The following PTPRQ variants were observed in gnomAD, a reference collection of about 807,000 sequenced individuals.
PTPRQ encodes the protein phosphatidylinositol phosphatase PTPRQ.
Under a neutral mutation model 246.0 loss-of-function variants are expected in PTPRQ, and 199 were observed. That is an observed-to-expected ratio of 0.81 (90% confidence interval 0.72 to 0.91). The LOEUF (loss-of-function observed/expected upper bound fraction) is 0.91, where lower values mean the gene tolerates loss of function less well. Among genes scored for constraint, PTPRQ ranks in the 40% least tolerant of loss-of-function variants. The pLI, the probability that PTPRQ is intolerant of heterozygous loss-of-function variation, is 0.00. For synonymous variants in PTPRQ, 869 were observed against 853.2 expected (o/e 1.02, Z -0.32); for missense variants, 2,624 against 2,528.4 (o/e 1.04, Z -0.81).
At chr12:80,566,636 C>T (rs988952649) in intron 25 of PTPRQ, among the ~76,000 whole-genome samples, 11 of 152,040 alleles carry the variant, frequency 7.2e-5, no homozygotes, top group Non-Finnish European at 1.3e-4. Context: ...ACCTTTTGGG[C>T]TCAAGCGATC....
At chr12:80,642,358 C>G (rs1439097528) in intron 35 of PTPRQ, among the ~76,000 whole-genome samples, 5 of 152,204 alleles carry the variant, frequency 3.3e-5, no homozygotes, top group Non-Finnish European at 5.9e-5. Context: ...TGATCAGTCT[C>G]TTTCTCCTCT....
chr12:80,676,106 T>C (rs1939115751), intron 43 of PTPRQ, among the ~76,000 whole-genome samples: 1 of 152,192 alleles, frequency 6.6e-6, no homozygotes, highest in South Asian at 2.1e-4. Flanking sequence ...GTTTTTTCCC[T>C]GTGATGACAG....
At chr12:80,485,057 CT>C (rs1247694536) in intron 9 of PTPRQ, among the ~76,000 whole-genome samples, 2 of 151,058 alleles carry the variant, frequency 1.3e-5, no homozygotes, top group Non-Finnish European at 2.9e-5. Context: ...TCAAAGCTGC[CT>C]CTTTTTTTTT....
chr12:80,549,152 A>G (rs1896393618), intron 24 of PTPRQ, among the ~76,000 whole-genome samples: 1 of 152,120 alleles, frequency 6.6e-6, no homozygotes, highest in South Asian at 2.1e-4. Context: ...GCAGTTATCA[A>G]ACACTGCCTG....
chr12:80,534,240 G>A, intron 18 of PTPRQ, 65 bp downstream of exon 18: 3 of 1,365,212 alleles, frequency 2.2e-6, no homozygotes, highest in East Asian at 2.8e-5. Context: ...ATCCTGCCCA[G>A]AAAAATATTC....
intron 17 of PTPRQ, among the ~76,000 whole-genome samples, chr12:80,526,774 C>A (rs1895699353): frequency 6.6e-6 from 1 of 151,960 alleles, no homozygotes; most frequent in African/African-American, 2.4e-5. Context: ...AGAGTCCTAA[C>A]CAGGACTTTC....
chr12:80,495,773 C>T (rs1894598843), intron 12 of PTPRQ, among the ~76,000 whole-genome samples: 1 of 151,924 alleles, frequency 6.6e-6, no homozygotes, highest in South Asian at 2.1e-4. Context: ...CAAAAAGTTA[C>T]TTTTGCAACT....
intron 14 of PTPRQ, among the ~76,000 whole-genome samples, chr12:80,501,552 T>A (rs1894799545): frequency 1.3e-5 from 2 of 151,912 alleles, no homozygotes; most frequent in Non-Finnish European, 2.9e-5. Context: ...ATTTGGAGCC[T>A]CACCACATCT....
intron 25 of PTPRQ, among the ~76,000 whole-genome samples, chr12:80,559,522 A>G (rs1426706045): frequency 1.3e-5 from 2 of 152,150 alleles, no homozygotes; most frequent in Non-Finnish European, 2.9e-5. Context: ...TTTCTTTTGA[A>G]GCTTAGTATG....
intron 43 of PTPRQ, among the ~76,000 whole-genome samples, chr12:80,675,027 ATAAT>A (rs919099102): frequency 3.3e-5 from 5 of 152,150 alleles, no homozygotes; most frequent in Non-Finnish European, 7.4e-5. Context: ...CAATTCTGTG[ATAAT>A]TAGTTAGGTA....
intron 3 of PTPRQ, 40 bp downstream of exon 3, chr12:80,445,757 T>G (rs1892535606): frequency 7.6e-7 from 1 of 1,320,622 alleles, no homozygotes; most frequent in African/African-American, 1.5e-5. Flanking sequence ...TTCAAACATT[T>G]CATTCATTTT....
At chr12:80,605,998 G>A (rs945118195) in intron 27 of PTPRQ, among the ~76,000 whole-genome samples, 3 of 151,036 alleles carry the variant, frequency 2.0e-5, no homozygotes, top group Admixed American at 6.6e-5. Context: ...GCAAGAGAAC[G>A]AATGAAAAAT....
chr12:80,471,622 C>T lies in PTPRQ; in HGVS notation c.1040-483C>T, dbSNP rs1222001285. On this transcript the variant is annotated intron_variant, in intron 7 of 44. Coordinates refer to ENST00000644991, the MANE Select transcript of PTPRQ (RefSeq NM_001145026.2). ...CCTCCCAAGTAGCTGGGACTACAGG[C>T]GCGCGCCACTACGCCCGGCTAATTT... is the stretch of plus-strand genomic sequence containing the variant. Among the ~76,000 whole-genome samples, 7 of 104,338 alleles carry T rather than the reference C, an allele frequency of 6.7e-5. No individual in the cohort carries two copies. The East Asian group carries it at 1.0e-3, about 15-fold the overall frequency. The allele number at this position is 104,338 out of a possible 152,430, so 68.4% of individuals were successfully genotyped here.
intron 8 of PTPRQ, among the ~76,000 whole-genome samples, chr12:80,473,022 T>TACACACACAC (rs371484292): frequency 6.9e-4 from 89 of 129,212 alleles, no homozygotes; most frequent in African/African-American, 2.4e-3. Context: ...TAGACATGTA[T>TACACACACAC]ACACACACAC....
At position 80,619,411 on chromosome 12, in the gene PTPRQ, C is replaced by T. The variant is rs1898888957; in HGVS notation, c.5258C>T (p.Thr1753Ile). ...CCAGCACGACCAAAAACCAAACCAACCCCTATTTATGATGCCACAGGAAAA... is the reference window on the plus strand; with the variant it reads ...CCAGCACGACCAAAAACCAAACCAATCCCTATTTATGATGCCACAGGAAAA... ...KAPARPKTKP[T>I]PIYDATGKLL... The change falls in exon 31 of 45, where the codon ACC becomes ATC. Residue 1753 changes from threonine (T) to isoleucine (I), a missense_variant. Physicochemically the swap from Thr to Ile is moderately conservative, Grantham distance 89. Coordinates refer to ENST00000644991, the MANE Select transcript of PTPRQ (RefSeq NM_001145026.2). The T allele has an allele frequency of 1.3e-6, 2 of 1,547,742 alleles. No homozygotes were observed. Among genetic ancestry groups the T allele is most frequent in the Admixed American group, 2.0e-5 (1 of 50,770 alleles).
At chr12:80,508,190 A>G (rs1165439250) in intron 16 of PTPRQ, among the ~76,000 whole-genome samples, 3 of 152,030 alleles carry the variant, frequency 2.0e-5, no homozygotes, top group Non-Finnish European at 2.9e-5. Context: ...CAGGGTAAAG[A>G]ACAAGACTCC....
rs1023231046 is a variant in PTPRQ at position 80,462,224 on chromosome 12, G to A, written c.910+1322G>A. ...ACCAGGAGATTATATCCTGCACATGGCTCAGGGGGTCCTACCCCCACGGAG... is the reference window on the plus strand; with the variant it reads ...ACCAGGAGATTATATCCTGCACATGACTCAGGGGGTCCTACCCCCACGGAG... On this transcript the variant is annotated intron_variant, in intron 6 of 44. Transcript: ENST00000644991. Among the ~76,000 whole-genome samples the A allele has an allele frequency of 1.4e-4, 21 of 152,264 alleles. No individual in the cohort carries two copies. In the East Asian group the frequency reaches 3.5e-3, roughly 26 times the overall value.
chr12:80,638,431 G>C (rs1283592496), intron 35 of PTPRQ, among the ~76,000 whole-genome samples: 1 of 152,028 alleles, frequency 6.6e-6, no homozygotes, highest in African/African-American at 2.4e-5. Flanking sequence ...AATGATAAAA[G>C]AAGAATCTCT....
chr12:80,597,204 T>C (rs921821858), intron 26 of PTPRQ, among the ~76,000 whole-genome samples: 1 of 152,004 alleles, frequency 6.6e-6, no homozygotes, highest in Admixed American at 6.6e-5. Flanking sequence ...TTTAATGATA[T>C]CCTAGATATT....
Sources: gnomAD v4.1 joint callset for allele counts (sites outside exome capture counted in the v4.1 genomes callset) on GRCh38, gnomAD v4.1.1 for gene constraint, MANE v1.5 for transcripts, NCBI Gene and HGNC (gene_info 2026-07-23, HGNC 2026-07-21) for gene names.